The following DCLK1 variants were observed in gnomAD, a reference collection of about 807,000 sequenced individuals.
The protein encoded by DCLK1 is serine/threonine-protein kinase DCLK1.
A neutral mutation model predicts 86.2 loss-of-function variants in DCLK1; 16 were observed. That is an observed-to-expected ratio of 0.19 (90% CI 0.13 to 0.28). The LOEUF is 0.28. Ranked by LOEUF, DCLK1 falls within the 10% of genes least tolerant of loss-of-function variation. The pLI, the probability that DCLK1 is intolerant of heterozygous loss-of-function variation, is 1.00. For missense variants in DCLK1, 590 were observed against 940.2 expected, an observed-to-expected ratio of 0.63 and a Z score of 4.87; for synonymous variants, 369 against 370.5, an observed-to-expected ratio of 1.00 and a Z score of 0.05.
chr13:36,075,958 G>A (rs769492299), intron 3 of DCLK1, among the ~76,000 whole-genome samples: 5 of 152,182 alleles, frequency 3.3e-5, no homozygotes, highest in Non-Finnish European at 5.9e-5. Flanking sequence ...CTGGGAGGCC[G>A]AGGATGCAGT....
chr13:35,863,137 A>C (rs1048603750), intron 5 of DCLK1, among the ~76,000 whole-genome samples: 1 of 152,230 alleles, frequency 6.6e-6, no homozygotes, highest in Non-Finnish European at 1.5e-5. Flanking sequence ...TGTGTGTAGC[A>C]GGCTATACCA....
At chr13:35,839,638 T>A (rs1397893337) in intron 6 of DCLK1, among the ~76,000 whole-genome samples, 3 of 152,192 alleles carry the variant, frequency 2.0e-5, no homozygotes, top group Non-Finnish European at 4.4e-5. Context: ...AATTAAATGC[T>A]CCACCTTACC....
At chr13:35,836,316 G>A (rs1201042950) in intron 7 of DCLK1, among the ~76,000 whole-genome samples, 175 bp from the exon 8 acceptor site, 2 of 152,128 alleles carry the variant, frequency 1.3e-5, no homozygotes, top group Non-Finnish European at 2.9e-5. Context: ...ATACTCAACA[G>A]TTTTTACTAA....
At chr13:36,006,853 C>T (rs757860431) in intron 3 of DCLK1, among the ~76,000 whole-genome samples, 2 of 152,150 alleles carry the variant, frequency 1.3e-5, no homozygotes, top group Non-Finnish European at 2.9e-5. Flanking sequence ...GTAAGGTGGA[C>T]TATGATATTA....
chr13:36,073,217 G>A (rs1388296246), intron 3 of DCLK1, among the ~76,000 whole-genome samples: 1 of 152,188 alleles, frequency 6.6e-6, no homozygotes, highest in Non-Finnish European at 1.5e-5. Flanking sequence ...CTTGGAAAGA[G>A]TCCTCATGCC....
At chr13:36,022,381 A>T (rs1357301156) in intron 3 of DCLK1, among the ~76,000 whole-genome samples, 1 of 152,090 alleles carries the variant, frequency 6.6e-6, no homozygotes, top group African/African-American at 2.4e-5. Flanking sequence ...ACTAAACCTA[A>T]AGTGAGTAGG....
chr13:36,118,487 A>G (rs1164114356), intron 2 of DCLK1, among the ~76,000 whole-genome samples: 4 of 152,108 alleles, frequency 2.6e-5, no homozygotes, highest in African/African-American at 9.7e-5. Context: ...AATAGATACA[A>G]TTAGAAGGGG....
chr13:35,870,260 G>C (rs1872170962), intron 5 of DCLK1, among the ~76,000 whole-genome samples: 1 of 152,158 alleles, frequency 6.6e-6, no homozygotes, highest in Admixed American at 6.6e-5. Context: ...CTAGAGAATA[G>C]CAGTAATTGG....
At chr13:36,005,469 C>G (rs1880907202) in intron 3 of DCLK1, among the ~76,000 whole-genome samples, 1 of 152,140 alleles carries the variant, frequency 6.6e-6, no homozygotes, top group Non-Finnish European at 1.5e-5. Context: ...AGGCATATGT[C>G]AAACTATTAC....
chr13:36,110,867 G>A (rs1171532788), intron 3 of DCLK1, among the ~76,000 whole-genome samples: 1 of 110,528 alleles, frequency 9.0e-6, no homozygotes, highest in African/African-American at 3.6e-5. Context: ...ATCTTGTTCT[G>A]TCACCCAGGC....
Position 35,849,033 on chromosome 13 carries a change from C to T in DCLK1, c.1035+5466G>A, listed in dbSNP as rs970715696. 87 of 985,284 alleles carry T rather than the reference C, an allele frequency of 8.8e-5. No individual in the cohort carries two copies. In the African/African-American group the frequency reaches 1.4e-3, roughly 15 times the overall value. 61.0% of individuals were successfully genotyped at this position (985,284 alleles called of 1,614,324 possible). A position where few individuals can be genotyped will look rare whatever the true frequency, so the allele number is the denominator to read the frequency against. On this transcript the variant is annotated intron_variant, in intron 6 of 16. Transcript: ENST00000360631. ...ACTGTTCTTTCAAGATGGAATGTTT[C>T]AGTTTGCAGCTCTTGAATAACCTGC...
rs112728228 is a variant in DCLK1, at chr13:36,057,992, C to T, written c.723+53877G>A. ...AAGACAAGTTGTATATAAACAGTCA[C>T]TGTTTTTCATCTTTGCACATGGCCA... is the stretch of plus-strand genomic sequence containing the variant. On this transcript the variant is annotated intron_variant, in intron 3 of 16. Transcript: ENST00000360631. Among the ~76,000 whole-genome samples the T allele has an allele frequency of 1.9e-4, 29 of 152,246 alleles. 1 individual carries two copies. The highest frequency in any genetic ancestry group is 6.7e-4 in the African/African-American group (28 of 41,552).
chr13:36,112,879 A>G (rs1215154089), intron 2 of DCLK1, among the ~76,000 whole-genome samples: 1 of 152,240 alleles, frequency 6.6e-6, no homozygotes, highest in Non-Finnish European at 1.5e-5. Flanking sequence ...TCTAAAATAA[A>G]TATAAGTAAA....
chr13:36,067,861 G>A (rs1047379491), intron 3 of DCLK1, among the ~76,000 whole-genome samples: 1 of 152,138 alleles, frequency 6.6e-6, no homozygotes, highest in African/African-American at 2.4e-5. Flanking sequence ...TAAATGAGAA[G>A]AGTCTGCTGC....
chr13:35,861,397 A>T (rs1264829537), intron 5 of DCLK1, among the ~76,000 whole-genome samples: 2 of 152,174 alleles, frequency 1.3e-5, no homozygotes, highest in Non-Finnish European at 2.9e-5. Flanking sequence ...GTCAGGGTGG[A>T]TGAGGGTCCT....
chr13:36,046,567 T>C (rs1882922244), intron 3 of DCLK1, among the ~76,000 whole-genome samples: 1 of 152,192 alleles, frequency 6.6e-6, no homozygotes, highest in Non-Finnish European at 1.5e-5. Flanking sequence ...GAATAGGTAA[T>C]AGCAAAGAAA....
chr13:35,920,422 G>A (rs767162715), intron 4 of DCLK1, among the ~76,000 whole-genome samples: 4 of 152,210 alleles, frequency 2.6e-5, no homozygotes, highest in Non-Finnish European at 5.9e-5. Context: ...AAGCTCAGTA[G>A]TGTGTTTCAA....
Position 35,836,086 on chromosome 13 carries a change from G to A in DCLK1, c.1176C>T (p.Val392=), listed in dbSNP as rs553735529. The A allele has an allele frequency of 8.7e-6, 14 of 1,613,304 alleles. No homozygotes were observed. The highest frequency in any genetic ancestry group is 5.5e-5 in the South Asian group (5 of 90,898). ...IPATITERYK[V]GRTIGDGNFA... The stretch of plus-strand genomic sequence containing the variant: ...AATTTCCATCTCCTATTGTTCTTCC[G>A]ACTTTATATCGTTCTGTTATTGTAG... The change falls in exon 8 of 17, where the codon GTC becomes GTT. Residue 392 remains valine, a synonymous_variant. Coordinates refer to ENST00000360631, the MANE Select transcript of DCLK1 (RefSeq NM_001330071.2).
At chr13:36,080,905 T>G (rs1308592562) in intron 3 of DCLK1, among the ~76,000 whole-genome samples, 1 of 152,004 alleles carries the variant, frequency 6.6e-6, no homozygotes, top group Non-Finnish European at 1.5e-5. Context: ...TTGTCACAAC[T>G]GGGGGAAGGG....
Sources: gnomAD v4.1 joint callset for allele counts (sites outside exome capture counted in the v4.1 genomes callset) on GRCh38, gnomAD v4.1.1 for gene constraint, MANE v1.5 for transcripts, NCBI Gene and HGNC (gene_info 2026-07-23, HGNC 2026-07-21) for gene names.